Variants in FAM184B observed in about 807,000 individuals in gnomAD.
The protein encoded by FAM184B is protein FAM184B.
A neutral mutation model predicts 135.9 loss-of-function variants in FAM184B; 111 were observed. The ratio of observed to expected loss-of-function variants is 0.82; its 90% CI spans 0.70 to 0.96. The LOEUF (loss-of-function observed/expected upper bound fraction) is 0.96. Ranked by LOEUF, FAM184B falls within the 40% of genes least tolerant of loss-of-function variation. The pLI, the probability that FAM184B is intolerant of heterozygous loss-of-function variation, is 0.00. For synonymous variants in FAM184B, 552 were observed against 524.8 expected, an observed-to-expected ratio of 1.05 and a Z score of -0.71; for missense variants, 1,375 against 1,323.9, an observed-to-expected ratio of 1.04 and a Z score of -0.60.
intron 1 of FAM184B, among the ~76,000 whole-genome samples, chr4:17,721,770 T>C (rs553530561): frequency 1.3e-5 from 2 of 152,276 alleles, no homozygotes; most frequent in Non-Finnish European, 2.9e-5. Context: ...CCAGACAGCC[T>C]GATGTGGAGA....
rs559056662 is a variant in FAM184B at position 17,658,534 on chromosome 4, T to C, written c.1853A>G (p.Gln618Arg). The change falls in exon 10 of 18, where the codon CAG becomes CGG. Residue 618 changes from glutamine (Q) to arginine (R), a missense_variant. Gln to Arg is a conservative substitution (Grantham distance 43). Coordinates refer to ENST00000265018, the MANE Select transcript of FAM184B (RefSeq NM_015688.2). ...QVSQMQQALE[Q>R]CTSNYREDLQ... is the part of the protein sequence containing the mutation. Reference sequence around the variant, plus strand: ...GTCCTCCCTGTAGTTGCTGGTGCACTGCTCCAGAGCCTGCTGCATCTGTGA... The same window carrying C: ...GTCCTCCCTGTAGTTGCTGGTGCACCGCTCCAGAGCCTGCTGCATCTGTGA... 4 of 1,551,352 alleles carry C rather than the reference T, an allele frequency of 2.6e-6. No individual in the cohort carries two copies. The South Asian group carries it at 4.8e-5, about 18-fold the overall frequency.
intron 1 of FAM184B, among the ~76,000 whole-genome samples, chr4:17,723,888 T>A (rs949024569): frequency 1.3e-5 from 2 of 152,174 alleles, no homozygotes; most frequent in African/African-American, 4.8e-5. Flanking sequence ...TGACCTCTTT[T>A]GTTCGTGCCC....
At position 17,684,927 on chromosome 4, in the gene FAM184B, C is replaced by A. The variant is rs142853101; in HGVS notation, c.1596+3497G>T. On this transcript the variant is annotated intron_variant, in intron 7 of 17. Transcript: ENST00000265018. ...TGAAGCTGGAAGCCATTATCCTCAG[C>A]AAACTAACACACGAACAGAAAACCA... Among the ~76,000 whole-genome samples, 1,052 of 152,186 alleles carry A rather than the reference C, an allele frequency of 6.9e-3. 11 individuals carry two copies. Among genetic ancestry groups the A allele is most frequent in the African/African-American group, 0.024 (1,007 of 41,520 alleles).
At chr4:17,669,400 A>G (rs745398317) in intron 7 of FAM184B, among the ~76,000 whole-genome samples, 3 of 152,250 alleles carry the variant, frequency 2.0e-5, no homozygotes, top group Non-Finnish European at 4.4e-5. Flanking sequence ...GGGAAATTGC[A>G]TGGTGAACAT....
At chr4:17,751,290 G>C (rs1197556936) in intron 1 of FAM184B, among the ~76,000 whole-genome samples, 6 of 122,924 alleles carry the variant, frequency 4.9e-5, no homozygotes, top group Admixed American at 9.6e-5. Context: ...CTGGGTGACA[G>C]AGCAAGACTC....
chr4:17,672,494 C>A (rs973601332), intron 7 of FAM184B, among the ~76,000 whole-genome samples: 1 of 152,040 alleles, frequency 6.6e-6, no homozygotes, highest in Non-Finnish European at 1.5e-5. Flanking sequence ...TGAATTTTTT[C>A]CATTCAGTAG....
chr4:17,658,757 G>A (rs1025003894), intron 9 of FAM184B, among the ~76,000 whole-genome samples, 195 bp from the exon 10 acceptor site: 1 of 152,228 alleles, frequency 6.6e-6, no homozygotes, highest in Non-Finnish European at 1.5e-5. Context: ...ACAAATGCCA[G>A]GAAGGAGGAA....
At chr4:17,719,599 C>T (rs2108971477) in intron 1 of FAM184B, among the ~76,000 whole-genome samples, 1 of 152,216 alleles carries the variant, frequency 6.6e-6, no homozygotes, top group East Asian at 1.9e-4. Context: ...CAGTAATCCC[C>T]CCTTTTCTCC....
chr4:17,693,206 C>G (rs1716774943), intron 6 of FAM184B, 96 bp downstream of exon 6: 1 of 898,980 alleles, frequency 1.1e-6, no homozygotes, highest in Non-Finnish European at 1.7e-6. Flanking sequence ...GCTGAGTGTC[C>G]TTTTCTGTCT....
intron 1 of FAM184B, among the ~76,000 whole-genome samples, chr4:17,753,401 T>C (rs1718344279): frequency 6.6e-6 from 1 of 152,150 alleles, no homozygotes; most frequent in Non-Finnish European, 1.5e-5. Context: ...TGTATGTATA[T>C]TTTATTGAAC....
rs1376343758 is a variant in FAM184B, at chr4:17,705,086, G to A, written c.1291C>T (p.Arg431Ter). The A allele has an allele frequency of 9.0e-6, 14 of 1,551,592 alleles. No homozygotes were observed. The highest frequency in any genetic ancestry group is 5.5e-5 in the African/African-American group (4 of 73,036). Residue 431 changes from arginine to a stop codon, truncating the protein, a stop_gained, in exon 5 of 18, where the codon CGA (arginine) becomes TGA (stop). Coordinates refer to ENST00000265018, the MANE Select transcript of FAM184B (RefSeq NM_015688.2). LOFTEE classifies it high-confidence loss of function. ...KKHLKDQLVK[R>*]LEDLVKKHTV... ...TGCTTCTTTACCAAGTCTTCTAGTC[G>A]CTTCACTAGCTGGTCTTTGAGATGT...
intron 9 of FAM184B, among the ~76,000 whole-genome samples, 197 bp downstream of exon 9, chr4:17,659,761 C>T (rs1715869730): frequency 6.6e-6 from 1 of 152,188 alleles, no homozygotes; most frequent in Admixed American, 6.5e-5. Flanking sequence ...GCTGAGATTA[C>T]AGGCGTGAGC....
In FAM184B at chr4:17,629,443, G is replaced by C. The variant is rs1318210158; in HGVS notation, c.*3089C>G. ...AAATGTTGGGTTGGATATTACATCA[G>C]TGTTAGAGCAGTTAAGGGCTCAGGT... On this transcript the variant is annotated 3_prime_UTR_variant, in exon 18 of 18. Coordinates refer to ENST00000265018, the MANE Select transcript of FAM184B (RefSeq NM_015688.2). 3 of 152,224 alleles carry C rather than the reference G, an allele frequency of 2.0e-5. No homozygotes were observed. The highest frequency in any genetic ancestry group is 4.4e-5 in the Non-Finnish European group (3 of 68,050). 9.4% of individuals were successfully genotyped at this position (152,224 alleles called of 1,614,324 possible).
intron 10 of FAM184B, 60 bp from the exon 11 acceptor site, chr4:17,653,043 C>T (rs1715670703): frequency 3.3e-6 from 5 of 1,496,682 alleles, no homozygotes; most frequent in Non-Finnish European, 4.6e-6. Context: ...GGAGACCTGA[C>T]TCCTTTGCCA....
rs1553841421 is a variant in FAM184B at position 17,739,555 on chromosome 4, G to GTTTTTGTTTTTTTT, written c.142-29912_142-29911insAAAAAAAACAAAAA. ...CCCTACACCATATGTCATACCAACT[G>GTTTTTGTTTTTTTT]TTTTTTTTTTTTTTTTGAGATGGGG... is the stretch of plus-strand genomic sequence containing the variant. On this transcript the variant is annotated intron_variant, in intron 1 of 17. Coordinates refer to ENST00000265018, the MANE Select transcript of FAM184B (RefSeq NM_015688.2). Among the ~76,000 whole-genome samples, 573 of 62,492 alleles carry GTTTTTGTTTTTTTT rather than the reference G, an allele frequency of 9.2e-3. 100 individuals carry two copies. Among genetic ancestry groups the GTTTTTGTTTTTTTT allele is most frequent in the Middle Eastern group, 0.071 (2 of 28 alleles). The allele number at this position is 62,492 out of a possible 152,430, so 41.0% of individuals were successfully genotyped here.
intron 1 of FAM184B, among the ~76,000 whole-genome samples, chr4:17,719,205 G>A (rs1717465395): frequency 6.6e-6 from 1 of 152,132 alleles, no homozygotes; most frequent in South Asian, 2.1e-4. Context: ...GTAAGAATAA[G>A]GCTTATGTAC....
intron 1 of FAM184B, among the ~76,000 whole-genome samples, chr4:17,715,028 A>G (rs1387713768): frequency 6.6e-6 from 1 of 152,188 alleles, no homozygotes; most frequent in Non-Finnish European, 1.5e-5. Flanking sequence ...ATATCCTTTC[A>G]GGGATAGTGT....
intron 12 of FAM184B, among the ~76,000 whole-genome samples, chr4:17,647,206 C>G (rs966923349): frequency 6.6e-6 from 1 of 151,472 alleles, no homozygotes; most frequent in Non-Finnish European, 1.5e-5. Context: ...GTCTTCCCCA[C>G]TTCGGGCAGG....
At chr4:17,723,744 G>A (rs1436464911) in intron 1 of FAM184B, among the ~76,000 whole-genome samples, 1 of 152,210 alleles carries the variant, frequency 6.6e-6, no homozygotes, top group African/African-American at 2.4e-5. Context: ...CACGGAGCAA[G>A]CTCACCCTCC....
Sources: gnomAD v4.1 joint callset for allele counts (sites outside exome capture counted in the v4.1 genomes callset) on GRCh38, gnomAD v4.1.1 for gene constraint, MANE v1.5 for transcripts, NCBI Gene and HGNC (gene_info 2026-07-23, HGNC 2026-07-21) for gene names.